TMEFF1: variants seen among roughly 807,000 people sequenced by gnomAD.
TMEFF1 encodes the protein transmembrane protein with EGF like and two follistatin like domains 1.
A neutral mutation model predicts 47.5 loss-of-function variants in TMEFF1; 20 were observed. The ratio of observed to expected loss-of-function variants is 0.42; its 90% CI spans 0.30 to 0.61. TMEFF1 has a LOEUF of 0.61. TMEFF1 is among the 20% of genes least tolerant of loss of function. The pLI, the probability that TMEFF1 is intolerant of heterozygous loss-of-function variation, is 0.19. For missense variants in TMEFF1, 411 were observed against 471.1 expected, an observed-to-expected ratio of 0.87 and a Z score of 1.18; for synonymous variants, 162 against 166.3, an observed-to-expected ratio of 0.97 and a Z score of 0.20.
At chr9:100,532,290 C>CA (rs1298058301) in intron 5 of TMEFF1, among the ~76,000 whole-genome samples, 1 of 152,150 alleles carries the variant, frequency 6.6e-6, no homozygotes, top group Admixed American at 6.5e-5. Flanking sequence ...AAACTACTAT[C>CA]AGAGTGAACA....
At position 100,498,649 on chromosome 9, in the gene TMEFF1, A is replaced by G. The variant is rs1017280704; in HGVS notation, c.197-116A>G. 1.9e-5 allele frequency: 16 copies of G among 843,214 alleles called. No homozygotes were observed. The African/African-American group carries it at 2.8e-4, about 15-fold the overall frequency. The allele number at this position is 843,214 out of a possible 1,614,324, so 52.2% of individuals were successfully genotyped here. ...TAGTTATGTCTTATTACACTTCTGA[A>G]TGGGGGGGCTCAATACATTTTAAGG... On this transcript the variant is annotated intron_variant, in intron 1 of 9. Transcript: ENST00000374879.
At chr9:100,531,206 T>C (rs1172668169) in intron 5 of TMEFF1, among the ~76,000 whole-genome samples, 1 of 152,154 alleles carries the variant, frequency 6.6e-6, no homozygotes, top group Admixed American at 6.5e-5. Flanking sequence ...TCACCACTCC[T>C]ATTCAACATA....
intron 2 of TMEFF1, among the ~76,000 whole-genome samples, chr9:100,506,766 CAAAAAAAAAAAAA>C (rs58345253): frequency 2.3e-5 from 1 of 43,408 alleles, no homozygotes; most frequent in African/African-American, 9.0e-5. Context: ...GACTCCATCT[CAAAAAAAAAAAAA>C]AAAAAAAAAG....
intron 9 of TMEFF1, among the ~76,000 whole-genome samples, chr9:100,574,319 G>C (rs1436747491): frequency 6.6e-6 from 1 of 152,176 alleles, no homozygotes; most frequent in Non-Finnish European, 1.5e-5. Flanking sequence ...ATAGGAGTGA[G>C]GTAATGAATG....
Position 100,570,434 on chromosome 9 carries a change from G to A in TMEFF1, c.900-2084G>A, listed in dbSNP as rs187049105. 3.9e-5 allele frequency among the ~76,000 whole-genome samples: 6 copies of A among 152,004 alleles called. No homozygotes were observed. In the East Asian group the frequency reaches 9.7e-4, roughly 25 times the overall value. On this transcript the variant is annotated intron_variant, in intron 8 of 9. Transcript: ENST00000374879. ...TTTTAGCTCTTACGTTTAGATCTGC[G>A]ATCCATTTTGAGGCAATTTTTGTGT...
At chr9:100,532,757 T>C (rs1838413910) in intron 5 of TMEFF1, among the ~76,000 whole-genome samples, 1 of 152,100 alleles carries the variant, frequency 6.6e-6, no homozygotes, top group Non-Finnish European at 1.5e-5. Flanking sequence ...CAAAGGACTA[T>C]AAATCATGCT....
chr9:100,552,626 A>C (rs1838845411), intron 7 of TMEFF1, among the ~76,000 whole-genome samples: 1 of 152,232 alleles, frequency 6.6e-6, no homozygotes, highest in African/African-American at 2.4e-5. Flanking sequence ...GTCTGTTATA[A>C]TAGCTACTGG....
chr9:100,541,797 TTTTC>T (rs1275200406), intron 5 of TMEFF1, among the ~76,000 whole-genome samples: 3 of 152,210 alleles, frequency 2.0e-5, no homozygotes, highest in African/African-American at 7.2e-5. Context: ...TATGAAGGGA[TTTTC>T]TTTAATTCCT....
At chr9:100,493,498 C>G (rs562329610) in intron 1 of TMEFF1, among the ~76,000 whole-genome samples, 1 of 152,130 alleles carries the variant, frequency 6.6e-6, no homozygotes, top group Non-Finnish European at 1.5e-5. Flanking sequence ...CAGAGTTTCT[C>G]CCACTAGTGT....
intron 3 of TMEFF1, 96 bp downstream of exon 3, chr9:100,509,230 G>C: frequency 7.4e-7 from 1 of 1,355,182 alleles, no homozygotes; most frequent in South Asian, 2.0e-5. Context: ...CACAACTGCT[G>C]TGTGGATTGG....
intron 5 of TMEFF1, among the ~76,000 whole-genome samples, chr9:100,523,114 C>T (rs1300750642): frequency 6.6e-6 from 1 of 152,210 alleles, no homozygotes; most frequent in Non-Finnish European, 1.5e-5. Context: ...CTCCGTCTCC[C>T]CATAATCTCT....
intron 7 of TMEFF1, among the ~76,000 whole-genome samples, 192 bp downstream of exon 7, chr9:100,550,352 C>T (rs1838810296): frequency 6.6e-6 from 1 of 152,156 alleles, no homozygotes; most frequent in Admixed American, 6.5e-5. Flanking sequence ...AAGGTACTCT[C>T]ATATGTGCTT....
At chr9:100,555,228 A>G (rs1838896453) in intron 7 of TMEFF1, among the ~76,000 whole-genome samples, 1 of 151,960 alleles carries the variant, frequency 6.6e-6, no homozygotes, top group South Asian at 2.1e-4. Context: ...ACAGACTAGC[A>G]GTTGCAGTTG....
chr9:100,572,377 T>C (rs1399120112), intron 8 of TMEFF1, 141 bp from the exon 9 acceptor site: 1 of 948,184 alleles, frequency 1.1e-6, no homozygotes, highest in East Asian at 3.1e-5. Context: ...ACAAATGACA[T>C]TTTTCCCCCA....
At chr9:100,542,030 T>G (rs1324338113) in intron 5 of TMEFF1, among the ~76,000 whole-genome samples, 4 of 152,280 alleles carry the variant, frequency 2.6e-5, no homozygotes, top group Non-Finnish European at 5.9e-5. Context: ...GTGGTCAACT[T>G]AAATATATTG....
chr9:100,541,676 A>G (rs181204600), intron 5 of TMEFF1, among the ~76,000 whole-genome samples: 1 of 152,192 alleles, frequency 6.6e-6, no homozygotes, highest in Admixed American at 6.5e-5. Context: ...ACGCCTGGCC[A>G]GATTTGGCAA....
At chr9:100,528,217 A>G (rs1417618012) in intron 5 of TMEFF1, among the ~76,000 whole-genome samples, 3 of 151,410 alleles carry the variant, frequency 2.0e-5, no homozygotes, top group Non-Finnish European at 2.9e-5. Flanking sequence ...GTTCCTCACC[A>G]GCAACGGAAC....
intron 5 of TMEFF1, among the ~76,000 whole-genome samples, chr9:100,523,615 GTGTT>G (rs2118413330): frequency 6.6e-6 from 1 of 152,298 alleles, no homozygotes; most frequent in Non-Finnish European, 1.5e-5. Context: ...GCTTTATTAG[GTGTT>G]TGTTAAATCT....
intron 1 of TMEFF1, among the ~76,000 whole-genome samples, chr9:100,482,732 A>G (rs1017484512): frequency 1.3e-5 from 2 of 152,152 alleles, no homozygotes; most frequent in Non-Finnish European, 2.9e-5. Context: ...AGGAGAGTCA[A>G]ATTGGTGTAC....
Sources: allele counts gnomAD v4.1 joint callset (sites outside exome capture counted in the v4.1 genomes callset), GRCh38; gene constraint gnomAD v4.1.1; transcripts MANE v1.5; gene names NCBI Gene and HGNC (gene_info 2026-07-23, HGNC 2026-07-21).